The following WDPCP variants were observed in gnomAD, a reference collection of about 807,000 sequenced individuals.
WDPCP encodes the protein WD repeat-containing and planar cell polarity effector protein fritz homolog.
WDPCP carries 71 observed loss-of-function variants against 93.1 expected under a neutral mutation model. That is an observed-to-expected ratio of 0.76 (90% CI 0.63 to 0.93). WDPCP has a LOEUF of 0.93. WDPCP is among the 40% of genes least tolerant of loss of function. The pLI, the probability that WDPCP is intolerant of heterozygous loss-of-function variation, is 0.00. For missense variants in WDPCP, 844 were observed against 887.4 expected, an observed-to-expected ratio of 0.95 and a Z score of 0.62; for synonymous variants, 315 against 315.0, an observed-to-expected ratio of 1.00 and a Z score of 0.00.
At chr2:63,697,781 G>A (rs1558886785) in intron 2 of WDPCP, among the ~76,000 whole-genome samples, 2 of 151,496 alleles carry the variant, frequency 1.3e-5, no homozygotes, top group Non-Finnish European at 2.9e-5. Flanking sequence ...TGGAGTAGCT[G>A]GGACTACAGG....
intron 2 of WDPCP, among the ~76,000 whole-genome samples, chr2:63,794,738 G>A (rs929415502): frequency 2.0e-5 from 3 of 152,098 alleles, no homozygotes; most frequent in African/African-American, 2.4e-5. Flanking sequence ...TTGGGTTTTC[G>A]GTTACTTGCA....
intron 2 of WDPCP, among the ~76,000 whole-genome samples, chr2:63,758,941 C>T (rs897247833): frequency 3.9e-5 from 6 of 151,956 alleles, no homozygotes; most frequent in Admixed American, 6.6e-5. Context: ...CCATGCTGGG[C>T]TAATTTTCTG....
At chr2:63,494,781 G>C (rs988477103) in intron 1 of WDPCP, among the ~76,000 whole-genome samples, 1 of 152,072 alleles carries the variant, frequency 6.6e-6, no homozygotes, top group Non-Finnish European at 1.5e-5. Context: ...TTAGCCGGGC[G>C]TGGTGGCGGG....
chr2:63,800,647 C>T (rs967083615), intron 2 of WDPCP, among the ~76,000 whole-genome samples: 3 of 152,070 alleles, frequency 2.0e-5, no homozygotes, highest in Admixed American at 6.5e-5. Context: ...TTTTTTAAAG[C>T]GATATCTAAA....
chr2:63,338,671 C>T (rs1014237765), intron 12 of WDPCP, among the ~76,000 whole-genome samples: 2 of 142,526 alleles, frequency 1.4e-5, no homozygotes, highest in African/African-American at 5.1e-5. Context: ...GTGTCTGTAT[C>T]GCAAATGACT....
intron 2 of WDPCP, among the ~76,000 whole-genome samples, chr2:63,716,351 A>G (rs1401373813): frequency 6.6e-6 from 1 of 152,118 alleles, no homozygotes; most frequent in Non-Finnish European, 1.5e-5. Context: ...CAAAGTCACT[A>G]TTGCAGTAAG....
At chr2:63,403,742 CAT>C (rs1172798213) in intron 10 of WDPCP, 15 of 252,280 alleles carry the variant, frequency 5.9e-5, no homozygotes, top group African/African-American at 9.0e-5. Context: ...AAAATATTCA[CAT>C]GTCTATTTCT....
At chr2:63,662,282 AT>A (rs1472623972) in intron 2 of WDPCP, among the ~76,000 whole-genome samples, 1 of 152,172 alleles carries the variant, frequency 6.6e-6, no homozygotes, top group Non-Finnish European at 1.5e-5. Flanking sequence ...TGGTTTCCTC[AT>A]CTGTAAATGG....
At chr2:63,336,350 T>C (rs1040621473) in intron 12 of WDPCP, among the ~76,000 whole-genome samples, 5 of 152,206 alleles carry the variant, frequency 3.3e-5, no homozygotes, top group African/African-American at 1.2e-4. Flanking sequence ...GTGCTATTTC[T>C]TTCTTTTACC....
intron 9 of WDPCP, among the ~76,000 whole-genome samples, chr2:63,431,080 G>A (rs888957566): frequency 2.6e-5 from 4 of 152,090 alleles, no homozygotes; most frequent in African/African-American, 9.7e-5. Flanking sequence ...AGAATCTACT[G>A]TTAAAACTCG....
intron 2 of WDPCP, among the ~76,000 whole-genome samples, chr2:63,694,874 G>A (rs182386693): frequency 6.6e-6 from 1 of 152,216 alleles, no homozygotes; most frequent in East Asian, 1.9e-4. Context: ...AGAAAAGGCA[G>A]GAAAAACACT....
chr2:63,502,369 C>T (rs560223404), intron 1 of WDPCP, among the ~76,000 whole-genome samples: 142 of 152,252 alleles, frequency 9.3e-4, no homozygotes, highest in African/African-American at 3.4e-3. Flanking sequence ...AATATACATA[C>T]ACACTTTACA....
At chr2:63,274,096 G>A (rs1682887897) in intron 13 of WDPCP, among the ~76,000 whole-genome samples, 1 of 152,050 alleles carries the variant, frequency 6.6e-6, no homozygotes, top group Admixed American at 6.5e-5. Context: ...GACCATATGT[G>A]TTAGGCCACA....
intron 3 of WDPCP, chr2:63,605,490 A>T (rs186972723): frequency 1.1e-6 from 1 of 885,678 alleles, no homozygotes; most frequent in East Asian, 2.6e-5. Flanking sequence ...CAGTCAGGTT[A>T]GGTTCATTTC....
At chr2:63,138,800 C>T (rs949872894) in intron 17 of WDPCP, among the ~76,000 whole-genome samples, 1 of 152,092 alleles carries the variant, frequency 6.6e-6, no homozygotes, top group Non-Finnish European at 1.5e-5. Context: ...GTGCACCCAT[C>T]AAATATGGGT....
intron 10 of WDPCP, among the ~76,000 whole-genome samples, chr2:63,390,756 A>G (rs1038089708): frequency 2.0e-5 from 3 of 152,210 alleles, no homozygotes; most frequent in Non-Finnish European, 2.9e-5. Flanking sequence ...AGAATACTAT[A>G]AACACCTCTA....
chr2:63,121,891 AAT>A lies in WDPCP; in HGVS notation c.*113_*114del, dbSNP rs1441685108. 1 of 1,526,652 alleles carries A rather than the reference AAT, an allele frequency of 6.6e-7. No homozygotes were observed. The highest frequency in any genetic ancestry group is 8.8e-7 in the Non-Finnish European group (1 of 1,139,168). The allele number at this position is 1,526,652 out of a possible 1,614,324, so 94.6% of individuals were successfully genotyped here. ...AACACTCAACTCAAAACTCTTAACT[AAT>A]TTATATGATTCATACTGTCTCTTGT... On this transcript the variant is annotated 3_prime_UTR_variant, in exon 18 of 18. Coordinates refer to ENST00000272321, the MANE Select transcript of WDPCP (RefSeq NM_015910.7).
chr2:63,489,390 T>C (rs1163199820), intron 2 of WDPCP, among the ~76,000 whole-genome samples: 1 of 152,088 alleles, frequency 6.6e-6, no homozygotes, highest in Non-Finnish European at 1.5e-5. Context: ...TGTAAATATG[T>C]GTGTATACAT....
intron 6 of WDPCP, among the ~76,000 whole-genome samples, chr2:63,447,134 C>T (rs971835000): frequency 2.0e-5 from 3 of 151,568 alleles, no homozygotes; most frequent in Non-Finnish European, 4.4e-5. Flanking sequence ...TTAAAAGTTA[C>T]AGACCTACAC....
Sources: gnomAD v4.1 joint callset for allele counts (sites outside exome capture counted in the v4.1 genomes callset) on GRCh38, gnomAD v4.1.1 for gene constraint, MANE v1.5 for transcripts, NCBI Gene and HGNC (gene_info 2026-07-23, HGNC 2026-07-21) for gene names.